The following HECW1 variants were observed in gnomAD, a reference collection of about 807,000 sequenced individuals.
HECW1 encodes the protein E3 ubiquitin-protein ligase HECW1.
Under a neutral mutation model 182.3 loss-of-function variants are expected in HECW1, and 61 were observed. That is an observed-to-expected ratio of 0.33 (90% CI 0.27 to 0.41). The LOEUF is 0.41. HECW1 is among the 10% of genes least tolerant of loss of function. The pLI is 1.00. For synonymous variants in HECW1, 859 were observed against 832.6 expected (o/e 1.03, Z -0.55); for missense variants, 1,739 against 2,108.9 (o/e 0.82, Z 3.44).
intron 29 of HECW1, among the ~76,000 whole-genome samples, chr7:43,558,060 A>T (rs2082089848): frequency 1.3e-5 from 2 of 152,206 alleles, no homozygotes; most frequent in South Asian, 4.1e-4. Flanking sequence ...TGGGGCAGTG[A>T]GCAATTTCCA....
chr7:43,554,213 A>C (rs1208063029), intron 28 of HECW1, among the ~76,000 whole-genome samples: 1 of 152,248 alleles, frequency 6.6e-6, no homozygotes, highest in East Asian at 1.9e-4. Context: ...AGCAAAACAA[A>C]GGAAATATGA....
intron 3 of HECW1, among the ~76,000 whole-genome samples, chr7:43,288,036 G>A (rs1269432263): frequency 6.6e-6 from 1 of 152,256 alleles, no homozygotes; most frequent in East Asian, 1.9e-4. Context: ...AGATAGTTGA[G>A]GAAAGCAACC....
rs2079667283 is a variant in HECW1, at chr7:43,508,081, G to A, written c.3816G>A (p.Arg1272=). ...TCAATCAGGTGATGGCCTATTCGCGGAAAGAGCTCCAGCGAAACAAGCTCT... is the reference window on the plus strand; with the variant it reads ...TCAATCAGGTGATGGCCTATTCGCGAAAAGAGCTCCAGCGAAACAAGCTCT... ...GTFNQVMAYS[R]KELQRNKLYV... is the part of the protein sequence containing the mutation. Residue 1272 remains arginine, a synonymous_variant, in exon 23 of 30, where the codon CGG becomes CGA. Coordinates refer to ENST00000395891, the MANE Select transcript of HECW1 (RefSeq NM_015052.5). The A allele has an allele frequency of 6.2e-7, 1 of 1,613,962 alleles. No homozygotes were observed. Among genetic ancestry groups the A allele is most frequent in the African/African-American group, 1.3e-5 (1 of 74,912 alleles).
chr7:43,139,817 C>T (rs542120428), intron 2 of HECW1, among the ~76,000 whole-genome samples: 1 of 148,174 alleles, frequency 6.7e-6, no homozygotes. Flanking sequence ...GGAAAAAGGG[C>T]AAATTTGGGG....
At chr7:43,424,956 A>T (rs1312756086) in intron 8 of HECW1, among the ~76,000 whole-genome samples, 2 of 152,160 alleles carry the variant, frequency 1.3e-5, no homozygotes, top group Non-Finnish European at 2.9e-5. Flanking sequence ...GACTAAGAGA[A>T]CATTATATAT....
rs1302912049 is a variant in HECW1, at chr7:43,243,382, T to C, written c.-31-493T>C. 6.6e-6 allele frequency among the ~76,000 whole-genome samples: 1 copy of C among 152,220 alleles called. No homozygotes were observed. The highest frequency in any genetic ancestry group is 1.9e-4 in the East Asian group (1 of 5,192). ...GAAGGGGATGGCACTTCTTGAGTCT[T>C]TCCCATCTGAGTAAATGCCTGAGGG... is the stretch of plus-strand genomic sequence containing the variant. On this transcript the variant is annotated intron_variant, in intron 2 of 29. Coordinates refer to ENST00000395891, the MANE Select transcript of HECW1 (RefSeq NM_015052.5). This position sits in a 1 kb window ranked among gnomAD's most constrained non-coding sequence, Gnocchi z 4.0.
chr7:43,463,435 G>C (rs545102078), intron 13 of HECW1, among the ~76,000 whole-genome samples: 2 of 152,184 alleles, frequency 1.3e-5, no homozygotes, highest in African/African-American at 4.8e-5. Flanking sequence ...TTTAAAAGTC[G>C]CCATACTTGA....
At chr7:43,127,438 G>A (rs544955868) in intron 2 of HECW1, among the ~76,000 whole-genome samples, 4 of 146,676 alleles carry the variant, frequency 2.7e-5, no homozygotes, top group South Asian at 2.1e-4. Flanking sequence ...CAGGAGAATC[G>A]CTTGAACCTG....
At chr7:43,264,188 C>A (rs980583949) in intron 3 of HECW1, among the ~76,000 whole-genome samples, 1 of 152,168 alleles carries the variant, frequency 6.6e-6, no homozygotes, top group African/African-American at 2.4e-5. Flanking sequence ...ATCTCTAAAA[C>A]TTATTCTAAC....
intron 2 of HECW1, among the ~76,000 whole-genome samples, chr7:43,224,491 A>G (rs1156310289): frequency 6.6e-6 from 1 of 152,194 alleles, no homozygotes; most frequent in African/African-American, 2.4e-5. Context: ...AAAGAAAAAG[A>G]ATGCACCTTT....
chr7:43,285,769 G>C (rs1804563060), intron 3 of HECW1, among the ~76,000 whole-genome samples: 1 of 152,004 alleles, frequency 6.6e-6, no homozygotes, highest in East Asian at 1.9e-4. Flanking sequence ...ACTCCAGCCT[G>C]AGTGACAGAC....
chr7:43,296,253 T>G (rs1806035653), intron 3 of HECW1, among the ~76,000 whole-genome samples: 1 of 152,202 alleles, frequency 6.6e-6, no homozygotes, highest in African/African-American at 2.4e-5. Context: ...ATTATTCTGG[T>G]AGTCTCTGTG....
At position 43,534,657 on chromosome 7, in the gene HECW1, T is replaced by G. The variant is rs74764443; in HGVS notation, c.4020-6506T>G. ...ATTTCAGACATTTTCTGTGGGTTTG[T>G]ATAGTTGCGCTCCACTGGGATAAAA... On this transcript the variant is annotated intron_variant, in intron 24 of 29. Coordinates refer to ENST00000395891, the MANE Select transcript of HECW1 (RefSeq NM_015052.5). Among the ~76,000 whole-genome samples the G allele has an allele frequency of 1.4e-3, 207 of 152,356 alleles. 1 individual carries two copies. Among genetic ancestry groups the G allele is most frequent in the African/African-American group, 4.6e-3 (191 of 41,584 alleles).
intron 2 of HECW1, among the ~76,000 whole-genome samples, chr7:43,160,852 C>T (rs1790451567): frequency 6.6e-6 from 1 of 152,190 alleles, no homozygotes; most frequent in African/African-American, 2.4e-5. Context: ...TTCAGCACTT[C>T]TACTGTTCCC....
chr7:43,378,809 A>AAG (rs1194916465), intron 6 of HECW1, among the ~76,000 whole-genome samples: 2 of 148,348 alleles, frequency 1.3e-5, no homozygotes, highest in African/African-American at 4.9e-5. Context: ...GTCTCAAAAA[A>AAG]CAAAAATAAA....
chr7:43,517,648 C>G (rs2080229390), intron 24 of HECW1, among the ~76,000 whole-genome samples: 1 of 152,086 alleles, frequency 6.6e-6, no homozygotes, highest in South Asian at 2.1e-4. Context: ...TTCAACCTCC[C>G]AGGGCCCTCC....
intron 3 of HECW1, among the ~76,000 whole-genome samples, chr7:43,255,729 C>T (rs1800501640): frequency 6.6e-6 from 1 of 152,108 alleles, no homozygotes; most frequent in African/African-American, 2.4e-5. Flanking sequence ...ATGAGCCAAG[C>T]CAGCCCCAGC....
intron 2 of HECW1, among the ~76,000 whole-genome samples, chr7:43,138,165 G>GA (rs1319168415): frequency 6.6e-6 from 1 of 152,190 alleles, no homozygotes; most frequent in African/African-American, 2.4e-5. Flanking sequence ...CCAACTGGGA[G>GA]AGGTAATGAA....
At chr7:43,382,531 A>G (rs763705283) in intron 6 of HECW1, among the ~76,000 whole-genome samples, 6 of 152,244 alleles carry the variant, frequency 3.9e-5, no homozygotes, top group African/African-American at 7.2e-5. Flanking sequence ...TTTGGACAAC[A>G]TATACAAAAC....
Sources: allele counts gnomAD v4.1 joint callset (sites outside exome capture counted in the v4.1 genomes callset), GRCh38; gene constraint gnomAD v4.1.1; non-coding constraint Gnocchi (gnomAD v3.1); transcripts MANE v1.5; gene names NCBI Gene and HGNC (gene_info 2026-07-23, HGNC 2026-07-21).